The following EBF1 variants were observed in gnomAD, a reference collection of about 807,000 sequenced individuals.
EBF1 encodes transcription factor COE1.
Under a neutral mutation model 68.4 loss-of-function variants are expected in EBF1, and 10 were observed. The ratio of observed to expected loss-of-function variants is 0.15; its 90% CI spans 0.09 to 0.25. The LOEUF is 0.25. Among genes scored for constraint, EBF1 ranks in the 10% least tolerant of loss-of-function variants. The pLI, the probability that EBF1 is intolerant of heterozygous loss-of-function variation, is 1.00. For synonymous variants in EBF1, 298 were observed against 299.8 expected (o/e 0.99, Z 0.06); for missense variants, 509 against 794.4 (o/e 0.64, Z 4.32).
intron 6 of EBF1, among the ~76,000 whole-genome samples, chr5:158,891,878 C>T (rs1033534644): frequency 3.9e-5 from 6 of 151,992 alleles, no homozygotes; most frequent in Admixed American, 3.9e-4. Flanking sequence ...TGATGCAAAG[C>T]TCAATATTGT....
At chr5:158,712,425 C>T (rs1759597488) in intron 13 of EBF1, 92 bp from the exon 14 acceptor site, 10 of 1,447,810 alleles carry the variant, frequency 6.9e-6, no homozygotes, top group Admixed American at 2.0e-5. Flanking sequence ...CTGTTTCTGG[C>T]CCCGTCGCCG....
chr5:158,750,853 C>A (rs1425680345), intron 10 of EBF1, among the ~76,000 whole-genome samples: 1 of 151,486 alleles, frequency 6.6e-6, no homozygotes, highest in Non-Finnish European at 1.5e-5. Flanking sequence ...GTTTTTAAAG[C>A]ATCAAAGTTA....
intron 8 of EBF1, among the ~76,000 whole-genome samples, chr5:158,818,489 C>T (rs997360642): frequency 2.0e-4 from 31 of 152,114 alleles, no homozygotes; most frequent in Non-Finnish European, 3.8e-4. Flanking sequence ...ACACTGCAAC[C>T]AAAAGGTCAG....
intron 6 of EBF1, among the ~76,000 whole-genome samples, chr5:159,030,536 C>G (rs1768575825): frequency 6.6e-6 from 1 of 152,120 alleles, no homozygotes; most frequent in East Asian, 1.9e-4. Flanking sequence ...CAGAGGCGAG[C>G]CTTTGTGTGG....
chr5:158,845,841 G>A (rs1791389147), intron 6 of EBF1, among the ~76,000 whole-genome samples: 3 of 152,168 alleles, frequency 2.0e-5, no homozygotes, highest in Admixed American at 2.0e-4. Flanking sequence ...AGTCAGAACT[G>A]AAGGGCACAC....
chr5:159,097,652 A>T, intron 1 of EBF1: 1 of 234,712 alleles, frequency 4.3e-6, no homozygotes, highest in East Asian at 6.0e-5. Flanking sequence ...GGCCTTGGGA[A>T]GCCACATCCC....
chr5:158,793,604 T>C (rs1199389998), intron 9 of EBF1, among the ~76,000 whole-genome samples: 2 of 152,152 alleles, frequency 1.3e-5, no homozygotes, highest in East Asian at 3.9e-4. Flanking sequence ...TCAAATCCAG[T>C]CTCTAGTCCT....
chr5:158,724,493 C>A (rs1318965644), intron 11 of EBF1, among the ~76,000 whole-genome samples: 1 of 152,154 alleles, frequency 6.6e-6, no homozygotes, highest in Non-Finnish European at 1.5e-5. Flanking sequence ...GATGCAACTG[C>A]AGGTTTTGAA....
At chr5:158,702,857 C>T (rs909279493) in intron 15 of EBF1, among the ~76,000 whole-genome samples, 2 of 148,640 alleles carry the variant, frequency 1.3e-5, no homozygotes, top group Non-Finnish European at 1.5e-5. Context: ...GAAAAAATGA[C>T]GATTCCATAG....
At chr5:158,835,561 C>T (rs973007382) in intron 7 of EBF1, among the ~76,000 whole-genome samples, 2 of 152,114 alleles carry the variant, frequency 1.3e-5, no homozygotes, top group Non-Finnish European at 1.5e-5. Flanking sequence ...TTTGAAGACC[C>T]CTCTCAGGCT....
chr5:158,886,426 G>T (rs938182126), intron 6 of EBF1, among the ~76,000 whole-genome samples: 9 of 152,200 alleles, frequency 5.9e-5, no homozygotes, highest in Non-Finnish European at 1.3e-4. Flanking sequence ...GTGTTTTCGA[G>T]TCCAAAGGAT....
chr5:158,961,145 G>T (rs553597702), intron 6 of EBF1, among the ~76,000 whole-genome samples: 40 of 152,286 alleles, frequency 2.6e-4, no homozygotes, highest in Non-Finnish European at 4.9e-4. Flanking sequence ...AGTTTACCAA[G>T]TTGGTACAAG....
At chr5:158,712,818 C>A in intron 13 of EBF1, 152 bp downstream of exon 13, 1 of 733,456 alleles carries the variant, frequency 1.4e-6, no homozygotes. Context: ...ATAGCTAGGA[C>A]CAATATTGTA....
Position 158,823,169 on chromosome 5 carries a change from C to A in EBF1, c.778+7G>T. ...GCAATGCCAACCAATGAAAATGATT[C>A]GCCTACCATGTTCCAGATAAGAGGG... On this transcript the variant is annotated splice_region_variant and intron_variant, in intron 8 of 15. Coordinates refer to ENST00000313708, the MANE Select transcript of EBF1 (RefSeq NM_024007.5). The A allele has an allele frequency of 6.2e-7, 1 of 1,613,846 alleles. No individual in the cohort carries two copies. Among genetic ancestry groups the A allele is most frequent in the Non-Finnish European group, 8.5e-7 (1 of 1,179,826 alleles).
chr5:158,795,076 G>T (rs1293648816), intron 9 of EBF1, among the ~76,000 whole-genome samples: 1 of 152,174 alleles, frequency 6.6e-6, no homozygotes, highest in Non-Finnish European at 1.5e-5. Flanking sequence ...GCCTGAGTGG[G>T]TTACTGGCAG....
At chr5:158,903,879 T>TC (rs1803980667) in intron 6 of EBF1, among the ~76,000 whole-genome samples, 1 of 152,070 alleles carries the variant, frequency 6.6e-6, no homozygotes, top group Non-Finnish European at 1.5e-5. Flanking sequence ...AGGTAATCCT[T>TC]CCCCACCCCG....
At chr5:159,083,931 C>T (rs1387788274) in intron 5 of EBF1, among the ~76,000 whole-genome samples, 1 of 152,250 alleles carries the variant, frequency 6.6e-6, no homozygotes. Context: ...TACTCCCTCA[C>T]ATGTGGAAAG....
intron 11 of EBF1, among the ~76,000 whole-genome samples, chr5:158,726,821 A>AGTTT (rs1763085489): frequency 6.6e-6 from 1 of 152,204 alleles, no homozygotes; most frequent in Admixed American, 6.5e-5. Context: ...TGAGGGCCTG[A>AGTTT]GTTTGAATGA....
intron 6 of EBF1, among the ~76,000 whole-genome samples, chr5:159,022,291 G>C (rs888151825): frequency 1.3e-5 from 2 of 152,284 alleles, no homozygotes; most frequent in African/African-American, 4.8e-5. Flanking sequence ...AAATGTGCTC[G>C]GGGAGGCTGA....
Sources: gnomAD v4.1 joint callset for allele counts (sites outside exome capture counted in the v4.1 genomes callset) on GRCh38, gnomAD v4.1.1 for gene constraint, MANE v1.5 for transcripts, NCBI Gene and HGNC (gene_info 2026-07-23, HGNC 2026-07-21) for gene names.